UBR3: variants seen among roughly 807,000 people sequenced by gnomAD.
UBR3 encodes the protein ubiquitin protein ligase E3 component n-recognin 3.
UBR3 carries 85 observed loss-of-function variants against 243.2 expected under a neutral mutation model. The observed-to-expected ratio is 0.35, with a 90% confidence interval of 0.29 to 0.42. UBR3 has a LOEUF of 0.42. UBR3 is among the 10% of genes least tolerant of loss of function. The pLI, the probability that UBR3 is intolerant of heterozygous loss-of-function variation, is 1.00. For synonymous variants in UBR3, 748 were observed against 799.8 expected (o/e 0.94, Z 1.09); for missense variants, 1,686 against 2,300.8 (o/e 0.73, Z 5.47).
chr2:169,953,466 T>A (rs1343333326), intron 23 of UBR3, among the ~76,000 whole-genome samples: 1 of 152,206 alleles, frequency 6.6e-6, no homozygotes, highest in Non-Finnish European at 1.5e-5. Context: ...CATTAGATGG[T>A]TGTAATAAAA....
chr2:169,895,192 A>G lies in UBR3; in HGVS notation c.1117A>G (p.Met373Val). 1 of 1,524,918 alleles carries G rather than the reference A, an allele frequency of 6.6e-7. No homozygotes were observed. Among genetic ancestry groups the G allele is most frequent in the East Asian group, 2.5e-5 (1 of 40,592 alleles). The allele number at this position is 1,524,918 out of a possible 1,614,324, so 94.5% of individuals were successfully genotyped here. A position where few individuals can be genotyped will look rare whatever the true frequency, so the allele number is the denominator to read the frequency against. Residue 373 changes from methionine (M) to valine (V), a missense_variant, in exon 7 of 39, where the codon ATG becomes GTG. Physicochemically the swap from Met to Val is conservative, Grantham distance 21. Transcript: ENST00000272793. ...LSSGTKDQSI[M>V]DVLKHKSFLE... ...TTTTTCATGTGCAGATCAATCCATA[A>G]TGGATGTTTTGAAGCATAAAAGCTT...
chr2:169,884,231 C>A (rs1398287521), intron 5 of UBR3, among the ~76,000 whole-genome samples: 2 of 151,132 alleles, frequency 1.3e-5, no homozygotes, highest in African/African-American at 4.9e-5. Flanking sequence ...TCTTGGCTCA[C>A]TGCAAGTTCT....
chr2:170,001,449 G>A (rs2089691781), intron 27 of UBR3, 35 bp downstream of exon 27: 1 of 1,313,386 alleles, frequency 7.6e-7, no homozygotes, highest in Non-Finnish European at 1.1e-6. Flanking sequence ...AAAGGTGCAT[G>A]TATCTTTCCA....
chr2:169,987,897 T>C (rs2089094782), intron 25 of UBR3, among the ~76,000 whole-genome samples: 1 of 152,170 alleles, frequency 6.6e-6, no homozygotes. Flanking sequence ...TTTTTTCTTT[T>C]ATGTAGAGAG....
At chr2:169,874,276 C>T (rs991366166) in intron 2 of UBR3, among the ~76,000 whole-genome samples, 1 of 151,764 alleles carries the variant, frequency 6.6e-6, no homozygotes, top group Non-Finnish European at 1.5e-5. Flanking sequence ...TCAAGTGATT[C>T]TCCTGCCTCA....
chr2:169,841,771 G>C (rs530818277), intron 1 of UBR3, among the ~76,000 whole-genome samples: 1 of 152,226 alleles, frequency 6.6e-6, no homozygotes, highest in Non-Finnish European at 1.5e-5. Flanking sequence ...GCCTTCCCGC[G>C]GGGCAGGGCT....
At chr2:170,059,684 T>A (rs1223871147) in intron 33 of UBR3, among the ~76,000 whole-genome samples, 1 of 152,112 alleles carries the variant, frequency 6.6e-6, no homozygotes, top group Non-Finnish European at 1.5e-5. Context: ...TCACATGATA[T>A]AAGGAGAACC....
At chr2:170,069,585 T>A (rs1216608478) in intron 35 of UBR3, among the ~76,000 whole-genome samples, 1 of 151,952 alleles carries the variant, frequency 6.6e-6, no homozygotes, top group Non-Finnish European at 1.5e-5. Context: ...GGCCAACATC[T>A]CCCCATTTCT....
intron 18 of UBR3, among the ~76,000 whole-genome samples, chr2:169,930,567 G>T (rs966154894): frequency 6.6e-6 from 1 of 151,872 alleles, no homozygotes; most frequent in African/African-American, 2.4e-5. Flanking sequence ...CATGTGTTTT[G>T]TAGAGACAGG....
intron 19 of UBR3, 61 bp downstream of exon 19, chr2:169,933,069 A>T (rs1299995780): frequency 8.4e-7 from 1 of 1,196,568 alleles, no homozygotes; most frequent in African/African-American, 1.6e-5. Context: ...GAAAAATTTC[A>T]GTGATAACAC....
At chr2:169,993,394 C>T (rs2089360060) in intron 25 of UBR3, among the ~76,000 whole-genome samples, 1 of 152,082 alleles carries the variant, frequency 6.6e-6, no homozygotes, top group African/African-American at 2.4e-5. Context: ...TTTCTTGATC[C>T]ACAATCGAAT....
intron 35 of UBR3, among the ~76,000 whole-genome samples, chr2:170,065,051 C>T (rs2091532210): frequency 6.6e-6 from 1 of 151,884 alleles, no homozygotes; most frequent in Non-Finnish European, 1.5e-5. Context: ...CCATGTTGGC[C>T]AGGCCGGTCT....
At chr2:169,932,847 A>G in intron 18 of UBR3, 65 bp from the exon 19 acceptor site, 2 of 1,280,468 alleles carry the variant, frequency 1.6e-6, no homozygotes, top group Non-Finnish European at 2.2e-6. Flanking sequence ...AACAAATGTA[A>G]TAAGTCAATA....
At chr2:170,078,069 T>C (rs2091847598) in intron 36 of UBR3, 2 of 671,424 alleles carry the variant, frequency 3.0e-6, no homozygotes, top group Admixed American at 2.0e-5. Context: ...GAGTCTTTCT[T>C]TTGTCTGGTG....
At chr2:169,892,520 CAT>C (rs1300780163) in intron 6 of UBR3, among the ~76,000 whole-genome samples, 2 of 152,238 alleles carry the variant, frequency 1.3e-5, no homozygotes, top group East Asian at 1.9e-4. Context: ...ACTTTTTTCA[CAT>C]GTGTGTTTGG....
rs1222820908 is a variant in UBR3, at chr2:169,827,507, C to T, written c.-1C>T. The T allele has an allele frequency of 5.7e-6, 7 of 1,229,494 alleles. 1 individual carries two copies. The East Asian group carries it at 9.6e-5, about 17-fold the overall frequency. The allele number at this position is 1,229,494 out of a possible 1,614,324, so 76.2% of individuals were successfully genotyped here. ...GACTCTCCAAATTCTGAGCTCTCAT[C>T]ATGGCGGCGGCGGCCGCGGCGGCCG... is the stretch of plus-strand genomic sequence containing the variant. On this transcript the variant is annotated 5_prime_UTR_variant, in exon 1 of 39. Transcript: ENST00000272793.
intron 22 of UBR3, chr2:169,947,981 A>C (rs1437491908): frequency 5.1e-6 from 5 of 981,024 alleles, no homozygotes; most frequent in Non-Finnish European, 6.1e-6. Context: ...CATGGCTTTA[A>C]CTGGAAATGG....
chr2:170,050,744 GT>G (rs1332622183), intron 32 of UBR3, among the ~76,000 whole-genome samples: 1 of 152,188 alleles, frequency 6.6e-6, no homozygotes, highest in Non-Finnish European at 1.5e-5. Flanking sequence ...TAAACCTCAT[GT>G]GAGAGATTCC....
intron 25 of UBR3, among the ~76,000 whole-genome samples, chr2:169,987,910 C>T (rs2089096041): frequency 6.6e-6 from 1 of 152,032 alleles, no homozygotes; most frequent in Non-Finnish European, 1.5e-5. Context: ...GTAGAGAGCT[C>T]ATATTGACTT....
Sources: allele counts gnomAD v4.1 joint callset (sites outside exome capture counted in the v4.1 genomes callset), GRCh38; gene constraint gnomAD v4.1.1; transcripts MANE v1.5; gene names NCBI Gene and HGNC (gene_info 2026-07-23, HGNC 2026-07-21).